The following PBX3 variants were observed in gnomAD, a reference collection of about 807,000 sequenced individuals.
PBX3 encodes the protein pre-B-cell leukemia transcription factor 3.
A neutral mutation model predicts 48.5 loss-of-function variants in PBX3; 14 were observed. The ratio of observed to expected loss-of-function variants is 0.29; its 90% CI spans 0.19 to 0.45. PBX3 has a LOEUF of 0.45. PBX3 is among the 20% of genes least tolerant of loss of function. The pLI is 1.00. For synonymous variants in PBX3, 210 were observed against 200.3 expected (o/e 1.05, Z -0.41); for missense variants, 386 against 546.7 (o/e 0.71, Z 2.93).
chr9:125,783,964 G>A (rs530861123), intron 2 of PBX3, among the ~76,000 whole-genome samples: 73 of 152,006 alleles, frequency 4.8e-4, no homozygotes, highest in African/African-American at 1.5e-3. Context: ...TCATGCCACC[G>A]CACTGCAGCC....
rs1471276490 is a variant in PBX3, at chr9:125,747,621, C to T, written c.168C>T (p.Ile56=). The part of the protein sequence containing the change: ...IGDILHQIMT[I]TDQSLDEAQA... ...ACATCCTCCACCAGATCATGACCAT[C>T]ACCGACCAGAGCTTGGACGAGGCGC... Residue 56 remains isoleucine, a synonymous_variant, in exon 1 of 9, where the codon ATC becomes ATT. Transcript: ENST00000373489. The T allele has an allele frequency of 1.3e-6, 2 of 1,599,526 alleles. No homozygotes were observed. The highest frequency in any genetic ancestry group is 1.7e-6 in the Non-Finnish European group (2 of 1,173,316).
At chr9:125,828,770 C>T (rs561069345) in intron 2 of PBX3, among the ~76,000 whole-genome samples, 43 of 152,166 alleles carry the variant, frequency 2.8e-4, no homozygotes, top group Non-Finnish European at 5.1e-4. Context: ...GTTAGAAAAT[C>T]AAAAGGAACG....
intron 2 of PBX3, among the ~76,000 whole-genome samples, chr9:125,912,684 A>G (rs1349984617): frequency 6.6e-6 from 1 of 152,164 alleles, no homozygotes; most frequent in Non-Finnish European, 1.5e-5. Context: ...AAGAACCTAG[A>G]TGTAAACCTT....
At chr9:125,938,054 C>A (rs1034888765) in intron 5 of PBX3, among the ~76,000 whole-genome samples, 17 of 152,068 alleles carry the variant, frequency 1.1e-4, no homozygotes, top group African/African-American at 4.1e-4. Flanking sequence ...ATAGAGAAAA[C>A]CAACTTTAAA....
intron 2 of PBX3, among the ~76,000 whole-genome samples, chr9:125,785,038 C>T (rs2132046879): frequency 6.6e-6 from 1 of 152,308 alleles, no homozygotes; most frequent in East Asian, 1.9e-4. Flanking sequence ...GTTTGCCTCA[C>T]CTAAAGTCTT....
chr9:125,912,938 G>C (rs1218040605), intron 2 of PBX3, among the ~76,000 whole-genome samples: 1 of 152,112 alleles, frequency 6.6e-6, no homozygotes, highest in Non-Finnish European at 1.5e-5. Context: ...CTAAGTAATA[G>C]TGAGTGGCTA....
chr9:125,933,062 T>C (rs1359177015), intron 4 of PBX3, among the ~76,000 whole-genome samples: 2 of 152,190 alleles, frequency 1.3e-5, no homozygotes, highest in African/African-American at 2.4e-5. Flanking sequence ...CAGGATGCTT[T>C]CTAAAAAATA....
chr9:125,781,501 G>A (rs555730077), intron 2 of PBX3, among the ~76,000 whole-genome samples: 1 of 147,820 alleles, frequency 6.8e-6, no homozygotes, highest in Non-Finnish European at 1.5e-5. Flanking sequence ...GCATCAGAGG[G>A]AGACCATGGA....
rs1475649211 is a variant in PBX3, at chr9:125,915,941, A to G, written c.516+14A>G. The G allele has an allele frequency of 3.1e-6, 5 of 1,611,346 alleles. No homozygotes were observed. The East Asian group carries it at 1.1e-4, about 36-fold the overall frequency. ...AAATATGAACAGGTCAGCAGCCGCC[A>G]CTCTCATAGTCCTACACAAACCCTC... On this transcript the variant is annotated intron_variant, in intron 3 of 8. Coordinates refer to ENST00000373489, the MANE Select transcript of PBX3 (RefSeq NM_006195.6).
At chr9:125,888,379 C>T (rs532066848) in intron 2 of PBX3, among the ~76,000 whole-genome samples, 13 of 152,116 alleles carry the variant, frequency 8.5e-5, no homozygotes, top group African/African-American at 3.1e-4. Context: ...ATTTAGTAGA[C>T]AAATACGTGT....
At chr9:125,857,857 G>T (rs948953856) in intron 2 of PBX3, among the ~76,000 whole-genome samples, 1 of 152,164 alleles carries the variant, frequency 6.6e-6, no homozygotes, top group Non-Finnish European at 1.5e-5. Context: ...TGAATCAGGG[G>T]ATTTTATGAC....
In PBX3 at chr9:125,912,152, T is replaced by TA. The variant is rs763683501; in HGVS notation, c.275-3533dup. Among the ~76,000 whole-genome samples, 5 of 152,292 alleles carry TA rather than the reference T, an allele frequency of 3.3e-5. No homozygotes were observed. In the South Asian group the frequency reaches 1.0e-3, roughly 32 times the overall value. On this transcript the variant is annotated intron_variant, in intron 2 of 8. Coordinates refer to ENST00000373489, the MANE Select transcript of PBX3 (RefSeq NM_006195.6). ...AGTGTTCTTCTGTTAGAAAGGCTCC[T>TA]ACTGTACAATCTAGCCAATGCAGAT...
chr9:125,870,976 G>A (rs1441601716), intron 2 of PBX3, among the ~76,000 whole-genome samples: 1 of 152,044 alleles, frequency 6.6e-6, no homozygotes, highest in African/African-American at 2.4e-5. Flanking sequence ...AAAATTGAAG[G>A]CATGTATACG....
At chr9:125,765,137 T>C (rs1836769602) in intron 2 of PBX3, among the ~76,000 whole-genome samples, 1 of 152,128 alleles carries the variant, frequency 6.6e-6, no homozygotes, top group Non-Finnish European at 1.5e-5. Flanking sequence ...CTTATATTTG[T>C]ATTTTAAAGA....
rs1297670270 is a variant in PBX3 at position 125,868,033 on chromosome 9, G to A, written c.275-47653G>A. ...TGGGACCACAGGTGTATGCCTCCAC[G>A]CCTGGTAATTTTCATATTTTTTGTA... On this transcript the variant is annotated intron_variant, in intron 2 of 8. Coordinates refer to ENST00000373489, the MANE Select transcript of PBX3 (RefSeq NM_006195.6). Among the ~76,000 whole-genome samples the A allele has an allele frequency of 3.3e-5, 5 of 151,916 alleles. No individual in the cohort carries two copies. The East Asian group carries it at 7.7e-4, about 23-fold the overall frequency.
intron 3 of PBX3, among the ~76,000 whole-genome samples, chr9:125,927,029 A>G (rs1841593454): frequency 6.6e-6 from 1 of 152,202 alleles, no homozygotes; most frequent in African/African-American, 2.4e-5. Flanking sequence ...AGCTTCACAG[A>G]TTCTCTCATC....
At chr9:125,921,000 CTGA>C (rs1412945031) in intron 3 of PBX3, among the ~76,000 whole-genome samples, 1 of 152,186 alleles carries the variant, frequency 6.6e-6, no homozygotes, top group African/African-American at 2.4e-5. Flanking sequence ...TTAAAAAATG[CTGA>C]TGTTTTCACA....
At chr9:125,953,878 TG>T (rs10707176) in intron 5 of PBX3, among the ~76,000 whole-genome samples, 86,389 of 152,000 alleles carry the variant, frequency 0.57, 27,283 homozygotes, top group Middle Eastern at 0.72. Flanking sequence ...TCTGCAAACT[TG>T]GGGGGACGCA....
intron 2 of PBX3, among the ~76,000 whole-genome samples, chr9:125,867,097 T>C (rs192690251): frequency 6.6e-6 from 1 of 152,172 alleles, no homozygotes; most frequent in East Asian, 1.9e-4. Context: ...ACAAAAATAA[T>C]ACCATGAAGG....
Sources: gnomAD v4.1 joint callset for allele counts (sites outside exome capture counted in the v4.1 genomes callset) on GRCh38, gnomAD v4.1.1 for gene constraint, MANE v1.5 for transcripts, NCBI Gene and HGNC (gene_info 2026-07-23, HGNC 2026-07-21) for gene names.